The following CCDC141 variants were observed in gnomAD, a reference collection of about 807,000 sequenced individuals.
The protein encoded by CCDC141 is coiled-coil domain containing 141, also known as coiled-coil domain-containing protein 141.
A neutral mutation model predicts 181.0 loss-of-function variants in CCDC141; 168 were observed. That is an observed-to-expected ratio of 0.93 (90% CI 0.82 to 1.05). The LOEUF is 1.05. Among genes scored for constraint, CCDC141 ranks in the 50% least tolerant of loss-of-function variants. CCDC141 has a pLI of 0.00. For synonymous variants in CCDC141, 666 were observed against 642.3 expected, an observed-to-expected ratio of 1.04 and a Z score of -0.56; for missense variants, 1,902 against 1,788.5, an observed-to-expected ratio of 1.06 and a Z score of -1.14.
At chr2:178,962,872 C>T (rs1296861281) in intron 4 of CCDC141, among the ~76,000 whole-genome samples, 5 of 152,058 alleles carry the variant, frequency 3.3e-5, no homozygotes, top group Non-Finnish European at 7.4e-5. Context: ...CTCTCCTGAC[C>T]CTGAACTTTT....
At chr2:178,880,211 T>C (rs781398189) in intron 11 of CCDC141, among the ~76,000 whole-genome samples, 12 of 152,204 alleles carry the variant, frequency 7.9e-5, no homozygotes, top group Non-Finnish European at 1.3e-4. Context: ...ATGAGAACCA[T>C]ATTATTATAG....
chr2:178,983,241 T>G (rs1200325960), intron 2 of CCDC141, among the ~76,000 whole-genome samples: 3 of 152,066 alleles, frequency 2.0e-5, no homozygotes, highest in African/African-American at 7.2e-5. Flanking sequence ...CCAACAGACC[T>G]GCAGCTGAGG....
At chr2:179,049,427 C>G (rs1416903123) in intron 1 of CCDC141, among the ~76,000 whole-genome samples, 1 of 152,114 alleles carries the variant, frequency 6.6e-6, no homozygotes, top group Non-Finnish European at 1.5e-5. Flanking sequence ...CTGCCTCCTC[C>G]CACCTCCATC....
At chr2:178,965,495 C>T (rs140216182) in intron 4 of CCDC141, among the ~76,000 whole-genome samples, 3 of 152,280 alleles carry the variant, frequency 2.0e-5, no homozygotes, top group East Asian at 1.9e-4. Flanking sequence ...CAGGATGGGG[C>T]GTCACCTCAC....
rs1162287292 is a variant in CCDC141, at chr2:178,837,142, T to C, written c.4077A>G (p.Gln1359=). 20 of 1,613,832 alleles carry C rather than the reference T, an allele frequency of 1.2e-5. No individual in the cohort carries two copies. Among genetic ancestry groups the C allele is most frequent in the Admixed American group, 1.7e-5 (1 of 59,974 alleles). The change falls in exon 23 of 24, where the codon CAA becomes CAG. Residue 1359 remains glutamine, a synonymous_variant. Coordinates refer to ENST00000443758, the MANE Select transcript of CCDC141 (RefSeq NM_173648.4). ...CATCAGAGGAAGCATGCAGCCTATCTTGGGTTTTAGTGAAGTTATTATCAG... is the reference window on the plus strand; with the variant it reads ...CATCAGAGGAAGCATGCAGCCTATCCTGGGTTTTAGTGAAGTTATTATCAG... ...MHADNNFTKT[Q]DRLHASSDAF...
intron 12 of CCDC141, among the ~76,000 whole-genome samples, chr2:178,872,533 G>A (rs1294510366): frequency 1.3e-5 from 2 of 152,048 alleles, no homozygotes; most frequent in African/African-American, 4.8e-5. Context: ...AGACCCAAGG[G>A]GTGTTTGAAT....
intron 2 of CCDC141, among the ~76,000 whole-genome samples, chr2:179,007,036 C>G (rs995966351): frequency 2.0e-5 from 3 of 152,118 alleles, no homozygotes; most frequent in East Asian, 1.9e-4. Flanking sequence ...TTGCCATCCC[C>G]CTTGTCAATG....
At chr2:178,878,300 T>TTTATTTATTTATTTATTTTA (rs11282658) in intron 11 of CCDC141, among the ~76,000 whole-genome samples, 157 bp from the exon 12 acceptor site, 61 of 143,014 alleles carry the variant, frequency 4.3e-4, no homozygotes, top group African/African-American at 7.9e-4. Flanking sequence ...TATTTATTTA[T>TTTATTTATTTATTTATTTTA]TTTATTTATT....
chr2:178,884,802 T>C, intron 11 of CCDC141, 99 bp downstream of exon 11: 1 of 894,842 alleles, frequency 1.1e-6, no homozygotes, highest in Non-Finnish European at 1.7e-6. Context: ...GGGTAGAGGA[T>C]ATGGACCTAC....
rs1193811302 is a variant in CCDC141, at chr2:178,944,584, T to C, written c.848A>G (p.Asp283Gly). Reference sequence around the variant, plus strand: ...TTGCTTATGAATTCGATCCTCATTGTCTGAAAGTGATGAACCTAGACTTTG... The same window carrying C: ...TTGCTTATGAATTCGATCCTCATTGCCTGAAAGTGATGAACCTAGACTTTG... ...QEQSLGSSLS[D>G]NEDRIHKQEE... is the part of the protein sequence containing the mutation. The change falls in exon 6 of 24, where the codon GAC becomes GGC. Residue 283 changes from aspartate to glycine, a missense_variant. Coordinates refer to ENST00000443758, the MANE Select transcript of CCDC141 (RefSeq NM_173648.4). 2 of 1,541,586 alleles carry C rather than the reference T, an allele frequency of 1.3e-6. No individual in the cohort carries two copies. The highest frequency in any genetic ancestry group is 1.8e-6 in the Non-Finnish European group (2 of 1,142,476).
intron 17 of CCDC141, among the ~76,000 whole-genome samples, chr2:178,864,298 T>C (rs998836710): frequency 6.6e-6 from 1 of 152,156 alleles, no homozygotes; most frequent in African/African-American, 2.4e-5. Context: ...GGAAAGACTG[T>C]AAAGGAATAG....
chr2:178,862,031 G>A (rs953924320), intron 17 of CCDC141, among the ~76,000 whole-genome samples: 7 of 152,126 alleles, frequency 4.6e-5, no homozygotes, highest in Admixed American at 3.9e-4. Context: ...AATGTCAGAC[G>A]GTTTTAATTT....
At position 179,010,267 on chromosome 2, in the gene CCDC141, G is replaced by T. The variant is rs556735676; in HGVS notation, c.226-31592C>A. 5.3e-4 allele frequency among the ~76,000 whole-genome samples: 80 copies of T among 152,232 alleles called. 4 individuals are homozygous for T. The South Asian group carries it at 0.016, about 30-fold the overall frequency. On this transcript the variant is annotated intron_variant, in intron 2 of 23. Coordinates refer to ENST00000443758, the MANE Select transcript of CCDC141 (RefSeq NM_173648.4). ...GGAAAACTTCCCCAGCCTTGCTAGA[G>T]ACCTAGACATCCAAATACAAGAAGC...
intron 8 of CCDC141, among the ~76,000 whole-genome samples, chr2:178,896,842 T>C (rs1687431991): frequency 6.6e-6 from 1 of 152,064 alleles, no homozygotes; most frequent in African/African-American, 2.4e-5. Context: ...CACAGGGTGG[T>C]TTTGAGGATT....
At chr2:179,015,644 T>C (rs1223258115) in intron 2 of CCDC141, among the ~76,000 whole-genome samples, 19 of 136,582 alleles carry the variant, frequency 1.4e-4, no homozygotes, top group South Asian at 2.4e-4. Flanking sequence ...ATATCTCATA[T>C]ATATCTCATA....
At chr2:178,930,712 T>A (rs936859520) in intron 6 of CCDC141, among the ~76,000 whole-genome samples, 2 of 152,058 alleles carry the variant, frequency 1.3e-5, no homozygotes, top group African/African-American at 4.8e-5. Context: ...AGAAAGAATA[T>A]TTTTTTCCAA....
rs1641571440 is a variant in CCDC141, at chr2:179,012,767, A to G, written c.226-34092T>C. ...CAACATATCAAAAAGATAACCCACC[A>G]TGATCAAGTGGGTTTCATACCAGGG... On this transcript the variant is annotated intron_variant, in intron 2 of 23. Coordinates refer to ENST00000443758, the MANE Select transcript of CCDC141 (RefSeq NM_173648.4). Among the ~76,000 whole-genome samples, 6 of 152,170 alleles carry G rather than the reference A, an allele frequency of 3.9e-5. No individual in the cohort carries two copies. The South Asian group carries it at 1.0e-3, about 26-fold the overall frequency.
chr2:179,028,833 A>C (rs960871563), intron 2 of CCDC141, among the ~76,000 whole-genome samples: 1 of 152,142 alleles, frequency 6.6e-6, no homozygotes, highest in African/African-American at 2.4e-5. Flanking sequence ...ATAGTCTCCA[A>C]ATACTTATTT....
chr2:178,965,764 C>G (rs1690599115), intron 4 of CCDC141, among the ~76,000 whole-genome samples: 1 of 152,146 alleles, frequency 6.6e-6, no homozygotes, highest in Admixed American at 6.5e-5. Flanking sequence ...ACCAGCGAGA[C>G]AAAACTCTTC....
Sources: allele counts gnomAD v4.1 joint callset (sites outside exome capture counted in the v4.1 genomes callset), GRCh38; gene constraint gnomAD v4.1.1; transcripts MANE v1.5; gene names NCBI Gene and HGNC (gene_info 2026-07-23, HGNC 2026-07-21).